TAF7L: variants seen among roughly 807,000 people sequenced by gnomAD.
TAF7L encodes transcription initiation factor TFIID subunit 7-like.
Under a neutral mutation model 30.2 loss-of-function variants are expected in TAF7L, and 6 were observed. That is an observed-to-expected ratio of 0.20 (90% CI 0.11 to 0.39). The LOEUF (loss-of-function observed/expected upper bound fraction) is 0.39, where lower values mean the gene tolerates loss of function less well. Ranked by LOEUF, TAF7L falls within the 10% of genes least tolerant of loss-of-function variation. The pLI is 1.00. For synonymous variants in TAF7L, 93 were observed against 94.5 expected, an observed-to-expected ratio of 0.98 and a Z score of 0.09; for missense variants, 284 against 277.1, an observed-to-expected ratio of 1.03 and a Z score of -0.18.
upstream of TAF7L, among the ~76,000 whole-genome samples, chrX:101,292,138 CTGAGGCAGGAGAATGGCG>C (rs1235730609): frequency 6.0e-4 from 61 of 101,180 alleles, no homozygotes; most frequent in Non-Finnish European, 9.6e-4. Flanking sequence ...ACTCGGGAGG[CTGAGGCAGGAGAATGGCG>C]TGAACCCGGG....
In TAF7L at chrX:101,277,638, A is replaced by C; in HGVS notation, c.659T>G (p.Met220Arg). The C allele has an allele frequency of 8.3e-7, 1 of 1,199,609 alleles. No homozygotes were observed. The highest frequency in any genetic ancestry group is 1.1e-6 in the Non-Finnish European group (1 of 891,368). ...SIPGFLISSG[M>R]SSHKQGHTSS... is the part of the protein sequence containing the mutation. The stretch of plus-strand genomic sequence containing the variant: ...GGTATGACCCTGCTTGTGGCTGCTC[A>C]TTCCCGAGGATATCAAAAATCCTGG... Residue 220 changes from methionine (M) to arginine (R), a missense_variant, in exon 9 of 13, where the codon ATG (methionine) becomes AGG (arginine). Met to Arg is a moderately conservative substitution (Grantham distance 91). Coordinates refer to ENST00000356784, the MANE Select transcript of TAF7L (RefSeq NM_001168474.2).
intron 3 of TAF7L, among the ~76,000 whole-genome samples, chrX:101,283,894 A>G (rs1924497987): frequency 1.9e-5 from 2 of 107,590 alleles, no homozygotes; most frequent in African/African-American, 7.3e-5. Context: ...TCCATTCATT[A>G]AAACCAATTC....
Position 101,282,414 on chromosome X carries a change from G to A in TAF7L, c.319C>T (p.Pro107Ser). 8.3e-7 allele frequency: 1 copy of A among 1,210,551 alleles called. No homozygotes were observed. Among genetic ancestry groups the A allele is most frequent in the Non-Finnish European group, 1.1e-6 (1 of 894,908 alleles). Residue 107 changes from proline to serine, a missense_variant, in exon 5 of 13, where the codon CCA becomes TCA. Coordinates refer to ENST00000356784, the MANE Select transcript of TAF7L (RefSeq NM_001168474.2). ...CTADGDIHLSPEEPAASTDPN... is the reference protein window; with the variant it reads ...CTADGDIHLSSEEPAASTDPN... Reference sequence around the variant, plus strand: ...TCAGTAGAGGCAGCTGGTTCTTCTGGAGAAAGGTGGATATCACCATCAGCA... The same window carrying A: ...TCAGTAGAGGCAGCTGGTTCTTCTGAAGAAAGGTGGATATCACCATCAGCA...
intron 1 of TAF7L, 183 bp from the exon 2 acceptor site, chrX:101,287,728 G>A (rs1246252900): frequency 5.6e-6 from 2 of 358,616 alleles, no homozygotes; most frequent in African/African-American, 2.6e-5. Context: ...ATTTCTAGAC[G>A]TTACCTTAGC....
At position 101,276,345 on chromosome X, in the gene TAF7L, G is replaced by A. The variant is rs138772572; in HGVS notation, c.875C>T (p.Ser292Phe). 13 of 1,208,864 alleles carry A rather than the reference G, an allele frequency of 1.1e-5. No individual in the cohort carries two copies. The African/African-American group carries it at 2.1e-4, about 20-fold the overall frequency. The stretch of plus-strand genomic sequence containing the variant: ...ACCTTCATTTGCCCTATACTGGCCA[G>A]ATTCAATAAACTCGGCCTGCAGCTG... ...ERQLQAEFIESGQYRANEGTS... is the reference protein window; with the variant it reads ...ERQLQAEFIEFGQYRANEGTS... The change falls in exon 10 of 13, where the codon TCT (serine) becomes TTT (phenylalanine). Residue 292 changes from serine (S) to phenylalanine (F), a missense_variant. By Grantham distance (155) the Ser-to-Phe change is radical (BLOSUM62 -2). Coordinates refer to ENST00000356784, the MANE Select transcript of TAF7L (RefSeq NM_001168474.2).
At chrX:101,283,074 T>C (rs1405034812) in intron 4 of TAF7L, among the ~76,000 whole-genome samples, 2 of 112,026 alleles carry the variant, frequency 1.8e-5, no homozygotes, top group Non-Finnish European at 3.8e-5. Context: ...TCTCAGCATT[T>C]TGATTTAGAG....
intron 9 of TAF7L, 65 bp from the exon 10 acceptor site, chrX:101,276,593 T>C: frequency 9.1e-7 from 1 of 1,097,893 alleles, no homozygotes; most frequent in South Asian, 2.0e-5. Context: ...ATACTCCAGA[T>C]ATAATTATAC....
chrX:101,287,894 G>C, intron 1 of TAF7L: 1 of 145,349 alleles, frequency 6.9e-6, no homozygotes, highest in Non-Finnish European at 1.3e-5. Context: ...ACAACACGTT[G>C]GTGGCTACCT....
In TAF7L at chrX:101,282,393, T is replaced by C; in HGVS notation, c.340A>G (p.Thr114Ala). ...HLSPEEPAAS[T>A]DPNIVRKKER... ...TTTTTCCTGACTATATTAGGATCAG[T>C]AGAGGCAGCTGGTTCTTCTGGAGAA... Residue 114 changes from threonine (T) to alanine (A), a missense_variant, in exon 5 of 13, where the codon ACT (threonine) becomes GCT (alanine). Thr to Ala is a moderately conservative substitution (Grantham distance 58). Coordinates refer to ENST00000356784, the MANE Select transcript of TAF7L (RefSeq NM_001168474.2). 8.3e-7 allele frequency: 1 copy of C among 1,210,248 alleles called. No individual in the cohort carries two copies. Among genetic ancestry groups the C allele is most frequent in the Non-Finnish European group, 1.1e-6 (1 of 894,296 alleles).
rs765543856 is a variant in TAF7L at position 101,268,459 on chromosome X, TCTAA to T, written c.*730_*733del. On this transcript the variant is annotated 3_prime_UTR_variant, in exon 13 of 13. Coordinates refer to ENST00000356784, the MANE Select transcript of TAF7L (RefSeq NM_001168474.2). Reference sequence around the variant, plus strand: ...CAGTTCATAATTTCTTCATCTCTGCTCTAACTGTTCCCTTAGTTGGTGAATAACA... The same window carrying T: ...CAGTTCATAATTTCTTCATCTCTGCTCTGTTCCCTTAGTTGGTGAATAACA... 1 of 111,816 alleles carries T rather than the reference TCTAA, an allele frequency of 8.9e-6. No individual in the cohort carries two copies. Among genetic ancestry groups the T allele is most frequent in the Non-Finnish European group, 1.9e-5 (1 of 53,238 alleles). 9.2% of individuals were successfully genotyped at this position (111,816 alleles called of 1,213,427 possible). A position where few individuals can be genotyped will look rare whatever the true frequency, so the allele number is the denominator to read the frequency against.
intron 1 of TAF7L, among the ~76,000 whole-genome samples, chrX:101,288,456 T>C (rs1308809151): frequency 3.1e-5 from 1 of 32,697 alleles, no homozygotes; most frequent in Non-Finnish European, 5.5e-5. Context: ...AATCCAGTTC[T>C]TTTTTTTTTT....
chrX:101,292,275 T>A (rs9698261), upstream of TAF7L, among the ~76,000 whole-genome samples: 23 of 77,367 alleles, frequency 3.0e-4, no homozygotes, highest in South Asian at 2.6e-3. Flanking sequence ...TAAATAAAAA[T>A]AATAATAATA....
chrX:101,273,170 C>T (rs892803651), intron 12 of TAF7L, among the ~76,000 whole-genome samples: 3 of 111,770 alleles, frequency 2.7e-5, no homozygotes, highest in African/African-American at 9.9e-5. Flanking sequence ...TCCATTGCTA[C>T]TAACTTAGTC....
At chrX:101,289,081 C>T (rs1446504645) in intron 1 of TAF7L, among the ~76,000 whole-genome samples, 1 of 111,859 alleles carries the variant, frequency 8.9e-6, no homozygotes, top group Non-Finnish European at 1.9e-5. Flanking sequence ...CCTGTAATAA[C>T]CAACACTACT....
rs1923854879 is a variant in TAF7L, at chrX:101,268,265, G to C, written c.*928C>G. 1.8e-5 allele frequency: 2 copies of C among 111,579 alleles called. No individual in the cohort carries two copies. Among genetic ancestry groups the C allele is most frequent in the African/African-American group, 6.5e-5 (2 of 30,721 alleles). The allele number at this position is 111,579 out of a possible 1,213,427, so 9.2% of individuals were successfully genotyped here. ...AAATTGACAACAATCCATTTAAAAT[G>C]AACAATTTATTTATTGCTTAAAGAA... On this transcript the variant is annotated 3_prime_UTR_variant, in exon 13 of 13. Transcript: ENST00000356784.
chrX:101,278,985 T>A lies in TAF7L; in HGVS notation c.504+9A>T, dbSNP rs1288050463. On this transcript the variant is annotated intron_variant, in intron 7 of 12. Coordinates refer to ENST00000356784, the MANE Select transcript of TAF7L (RefSeq NM_001168474.2). The stretch of plus-strand genomic sequence containing the variant: ...GGGTAAAAATGAAGTTATATTATGA[T>A]TGCTCTACCTCAGTAAAGCTGCTTT... 13 of 1,196,132 alleles carry A rather than the reference T, an allele frequency of 1.1e-5. No individual in the cohort carries two copies. The highest frequency in any genetic ancestry group is 1.5e-5 in the Non-Finnish European group (13 of 883,675).
Position 101,275,136 on chromosome X carries a change from G to C in TAF7L, c.1086+86C>G, listed in dbSNP as rs948925847. ...TTTGGCTACCACTATTCCTATGAGA[G>C]GAACAGCCAGCAATGATATTGGAAT... On this transcript the variant is annotated intron_variant, in intron 12 of 12. Transcript: ENST00000356784. 8.4e-6 allele frequency: 6 copies of C among 717,874 alleles called. No homozygotes were observed. The African/African-American group carries it at 1.1e-4, about 13-fold the overall frequency. 59.2% of individuals were successfully genotyped at this position (717,874 alleles called of 1,213,427 possible).
chrX:101,275,144 C>T, intron 12 of TAF7L, 78 bp downstream of exon 12: 1 of 752,175 alleles, frequency 1.3e-6, no homozygotes, highest in South Asian at 2.4e-5. Flanking sequence ...GAGGAACAGC[C>T]AGCAATGATA....
rs892100370 is a variant in TAF7L, at chrX:101,277,880, C to T, written c.578-161G>A. ...GAGAAGTGCCTCATATTGAATTACA[C>T]AATAAATAATTTTCTATTACATGAA... On this transcript the variant is annotated intron_variant, in intron 8 of 12. Transcript: ENST00000356784. 2.7e-5 allele frequency among the ~76,000 whole-genome samples: 3 copies of T among 111,663 alleles called. No individual in the cohort carries two copies. In the East Asian group the frequency reaches 8.4e-4, roughly 31 times the overall value.
Sources: allele counts gnomAD v4.1 joint callset (sites outside exome capture counted in the v4.1 genomes callset), GRCh38; gene constraint gnomAD v4.1.1; transcripts MANE v1.5; gene names NCBI Gene and HGNC (gene_info 2026-07-23, HGNC 2026-07-21).